The following GABRA5 variants were observed in gnomAD, a reference collection of about 807,000 sequenced individuals.
The protein encoded by GABRA5 is gamma-aminobutyric acid type A receptor subunit alpha5, also known as gamma-aminobutyric acid receptor subunit alpha-5.
In GABRA5, 18 loss-of-function variants were observed where a neutral mutation model predicts 47.3. The observed-to-expected ratio is 0.38, with a 90% CI of 0.26 to 0.56. The LOEUF (loss-of-function observed/expected upper bound fraction) is 0.56, where lower values mean the gene tolerates loss of function less well. Among genes scored for constraint, GABRA5 ranks in the 20% least tolerant of loss-of-function variants. The pLI, the probability that GABRA5 is intolerant of heterozygous loss-of-function variation, is 0.71. For missense variants in GABRA5, 365 were observed against 599.3 expected, an observed-to-expected ratio of 0.61 and a Z score of 4.08; for synonymous variants, 237 against 229.3, an observed-to-expected ratio of 1.03 and a Z score of -0.30.
chr15:26,926,759 T>A (rs2140304920), intron 7 of GABRA5, among the ~76,000 whole-genome samples: 1 of 152,314 alleles, frequency 6.6e-6, no homozygotes, highest in Admixed American at 6.5e-5. Context: ...AAGTCAAAGA[T>A]GATTGTTTTT....
intron 3 of GABRA5, among the ~76,000 whole-genome samples, chr15:26,870,911 G>A (rs1892453217): frequency 6.6e-6 from 1 of 152,302 alleles, no homozygotes; most frequent in Non-Finnish European, 1.5e-5. Flanking sequence ...TCTTGGCTAG[G>A]CCAGGCGTGA....
chr15:26,883,133 G>T lies in GABRA5; in HGVS notation c.209-33G>T. On this transcript the variant is annotated intron_variant, in intron 4 of 10. Transcript: ENST00000335625. The surrounding 1 kb of genome is among the most constrained non-coding windows in gnomAD (Gnocchi z 4.8). The stretch of plus-strand genomic sequence containing the variant: ...GTGTGCCAGACGCGCAGGGTGGGTC[G>T]GTGCAGCCCAGGGACCTGTGTCTGT... The T allele has an allele frequency of 6.3e-7, 1 of 1,586,472 alleles. No homozygotes were observed. The highest frequency in any genetic ancestry group is 1.1e-5 in the South Asian group (1 of 90,522).
In GABRA5 at chr15:26,948,400, T is replaced by C; in HGVS notation, c.*167T>C. 1.6e-6 allele frequency: 1 copy of C among 641,000 alleles called. No individual in the cohort carries two copies. Among genetic ancestry groups the C allele is most frequent in the East Asian group, 2.7e-5 (1 of 36,390 alleles). The allele number at this position is 641,000 out of a possible 1,614,324, so 39.7% of individuals were successfully genotyped here. ...TTGCCTTGATGTTTCTATATGTAAC[T>C]TCAGATGTTTCCAAGATGTCCCATT... On this transcript the variant is annotated 3_prime_UTR_variant, in exon 11 of 11. Transcript: ENST00000335625.
At chr15:26,894,562 C>A (rs1312464446) in intron 6 of GABRA5, among the ~76,000 whole-genome samples, 1 of 152,002 alleles carries the variant, frequency 6.6e-6, no homozygotes, top group Non-Finnish European at 1.5e-5. Context: ...GATGTCAAGC[C>A]TCTTCTCCTG....
In GABRA5 at chr15:26,912,192, C is replaced by T. The variant is rs181764163; in HGVS notation, c.498-2611C>T. On this transcript the variant is annotated intron_variant, in intron 6 of 10. Coordinates refer to ENST00000335625, the MANE Select transcript of GABRA5 (RefSeq NM_000810.4). The stretch of plus-strand genomic sequence containing the variant: ...CCACAGTGCTGTTTCCTCGTGTGCT[C>T]ATCTTCACATTTATTGCTATGGATC... 7.3e-4 allele frequency among the ~76,000 whole-genome samples: 111 copies of T among 152,286 alleles called. 1 individual carries two copies. In the East Asian group the frequency reaches 0.017, roughly 24 times the overall value.
chr15:26,937,208 G>T lies in GABRA5; in HGVS notation c.604G>T (p.Val202Phe), dbSNP rs375240262. Reference protein sequence around the residue: ...GSYAYPNSEVVYVWTNGSTKS... With the variant: ...GSYAYPNSEVFYVWTNGSTKS... ...AGATGCGTACCCTAATTCTGAAGTC[G>T]TTTACGTCTGGACCAACGGCTCCAC... The change falls in exon 8 of 11, where the codon GTT (valine) becomes TTT (phenylalanine). Residue 202 changes from valine to phenylalanine, a missense_variant. Around this residue, in one of 3 missense-constraint regions of GABRA5, gnomAD observed 216 missense variants for 335.3 expected, o/e 0.64. Transcript: ENST00000335625. 6.2e-7 allele frequency: 1 copy of T among 1,613,922 alleles called. No homozygotes were observed. The highest frequency in any genetic ancestry group is 8.5e-7 in the Non-Finnish European group (1 of 1,179,862).
chr15:26,888,020 C>T (rs1227216688), intron 6 of GABRA5, among the ~76,000 whole-genome samples: 1 of 152,060 alleles, frequency 6.6e-6, no homozygotes, highest in African/African-American at 2.4e-5. Context: ...TTCTGAATTC[C>T]TTTAAATTAG....
intron 7 of GABRA5, among the ~76,000 whole-genome samples, chr15:26,923,794 C>T (rs1893894504): frequency 6.6e-6 from 1 of 152,122 alleles, no homozygotes; most frequent in Non-Finnish European, 1.5e-5. Flanking sequence ...ACAGATTGGA[C>T]AATTTCTGTT....
chr15:26,934,542 C>T (rs1894189847), intron 7 of GABRA5, among the ~76,000 whole-genome samples: 1 of 152,180 alleles, frequency 6.6e-6, no homozygotes, highest in Non-Finnish European at 1.5e-5. Flanking sequence ...TCATTCCCCA[C>T]ACGGTTATGT....
At chr15:26,870,293 G>A (rs78589962) in intron 3 of GABRA5, among the ~76,000 whole-genome samples, 14,463 of 152,242 alleles carry the variant, frequency 0.095, 780 homozygotes, top group South Asian at 0.22. Flanking sequence ...TTTTCTGTCT[G>A]TCCTCTGTAC....
At chr15:26,911,171 G>GAATTCT (rs79016001) in intron 6 of GABRA5, among the ~76,000 whole-genome samples, 112,505 of 151,216 alleles carry the variant, frequency 0.74, 42,065 homozygotes, top group East Asian at 0.91. Flanking sequence ...CTGAGGTTTA[G>GAATTCT]AATTCTAAGG....
At chr15:26,879,062 T>C (rs1892663993) in intron 3 of GABRA5, among the ~76,000 whole-genome samples, 1 of 152,192 alleles carries the variant, frequency 6.6e-6, no homozygotes, top group African/African-American at 2.4e-5. Flanking sequence ...TCTAACACAA[T>C]TTAGGAACAT....
chr15:26,943,174 CCT>C (rs777841171), intron 9 of GABRA5, 39 bp from the exon 10 acceptor site: 35 of 1,487,244 alleles, frequency 2.4e-5, no homozygotes, highest in African/African-American at 1.1e-4. Context: ...AGCACTGACC[CCT>C]GTTTCCGTTT....
At chr15:26,920,207 C>G (rs1035960388) in intron 7 of GABRA5, among the ~76,000 whole-genome samples, 3 of 150,558 alleles carry the variant, frequency 2.0e-5, no homozygotes, top group Admixed American at 6.6e-5. Context: ...TGTTGTTGTT[C>G]TTTCTCTCTC....
rs138306785 is a variant in GABRA5 at position 26,913,348 on chromosome 15, C to A, written c.498-1455C>A. 7.7e-3 allele frequency among the ~76,000 whole-genome samples: 1,179 copies of A among 152,256 alleles called. 10 individuals are homozygous for A. Among genetic ancestry groups the A allele is most frequent in the African/African-American group, 0.027 (1,137 of 41,540 alleles). ...TTTCGTATCTTTGATGGACACAGAC[C>A]TCCCTTCCACTGACATGTATTTTAG... On this transcript the variant is annotated intron_variant, in intron 6 of 10. Transcript: ENST00000335625.
chr15:26,940,540 C>T (rs879251604), intron 9 of GABRA5, among the ~76,000 whole-genome samples: 3 of 147,424 alleles, frequency 2.0e-5, no homozygotes, highest in Admixed American at 1.3e-4. Flanking sequence ...TACGTCGGTG[C>T]CCAAAAAGTT....
chr15:26,875,652 T>C (rs12909904), intron 3 of GABRA5, among the ~76,000 whole-genome samples: 59,854 of 151,656 alleles, frequency 0.39, 12,224 homozygotes, highest in East Asian at 0.52. Flanking sequence ...GCATGCTTGA[T>C]GTGTTAGGAA....
At chr15:26,938,406 T>A (rs1894298617) in intron 8 of GABRA5, among the ~76,000 whole-genome samples, 2 of 152,268 alleles carry the variant, frequency 1.3e-5, no homozygotes, top group South Asian at 4.1e-4. Context: ...CTGTTTCATG[T>A]AGTTCTTTAA....
chr15:26,904,363 T>C (rs1893393607), intron 6 of GABRA5, among the ~76,000 whole-genome samples: 1 of 152,176 alleles, frequency 6.6e-6, no homozygotes, highest in Non-Finnish European at 1.5e-5. Context: ...TTGGTTACTG[T>C]ACATCTGTAG....
Sources: gnomAD v4.1 joint callset for allele counts (sites outside exome capture counted in the v4.1 genomes callset) on GRCh38, gnomAD v4.1.1 for gene constraint, gnomAD v4.1.1 regional missense constraint, Gnocchi (gnomAD v3.1) non-coding constraint, MANE v1.5 for transcripts, NCBI Gene and HGNC (gene_info 2026-07-23, HGNC 2026-07-21) for gene names.